Variants in RPS6KC1 observed in about 807,000 individuals in gnomAD.
The protein encoded by RPS6KC1 is ribosomal protein S6 kinase C1.
RPS6KC1 carries 54 observed loss-of-function variants against 103.8 expected under a neutral mutation model. The observed-to-expected ratio is 0.52, with a 90% CI of 0.42 to 0.65. RPS6KC1 has a LOEUF of 0.65. RPS6KC1 is among the 30% of genes least tolerant of loss of function. The pLI, the probability that RPS6KC1 is intolerant of heterozygous loss-of-function variation, is 0.00. For synonymous variants in RPS6KC1, 439 were observed against 438.7 expected, an observed-to-expected ratio of 1.00 and a Z score of -0.01; for missense variants, 1,151 against 1,253.8, an observed-to-expected ratio of 0.92 and a Z score of 1.24.
chr1:213,740,704 A>AGATATATGTACACATATATATC, the RPS6KC1 span, among the ~76,000 whole-genome samples: 293 of 82,572 alleles, frequency 3.5e-3, no homozygotes, highest in East Asian at 6.4e-3. Context: ...ACATATATAC[A>AGATATATGTACACATATATATC]TCTCAGATAT....
the RPS6KC1 span, among the ~76,000 whole-genome samples, chr1:213,600,255 A>T: frequency 1.3e-5 from 2 of 152,164 alleles, no homozygotes; most frequent in East Asian, 3.9e-4. Context: ...TCTTTATAGC[A>T]ATCTGAAAAC....
At chr1:213,140,009 T>C (rs2086825626) in intron 6 of RPS6KC1, among the ~76,000 whole-genome samples, 1 of 152,104 alleles carries the variant, frequency 6.6e-6, no homozygotes, top group Non-Finnish European at 1.5e-5. Flanking sequence ...GTGTCATATC[T>C]GATTCCTTTC....
At chr1:213,575,462 C>T in the RPS6KC1 span, among the ~76,000 whole-genome samples, 3 of 152,244 alleles carry the variant, frequency 2.0e-5, no homozygotes, top group East Asian at 3.9e-4. Context: ...GGGCGGTTAC[C>T]CCCGTGCTGC....
chr1:213,627,872 C>G, the RPS6KC1 span, among the ~76,000 whole-genome samples: 18,628 of 152,024 alleles, frequency 0.12, 1,603 homozygotes, highest in African/African-American at 0.25. Context: ...AGGGATATTG[C>G]TCTAAAATTC....
chr1:213,613,272 G>A, the RPS6KC1 span, among the ~76,000 whole-genome samples: 50 of 152,186 alleles, frequency 3.3e-4, no homozygotes, highest in East Asian at 2.9e-3. Context: ...CACTTGTGCC[G>A]GACTCTCCAC....
chr1:213,747,262 T>C, the RPS6KC1 span, among the ~76,000 whole-genome samples: 1 of 152,154 alleles, frequency 6.6e-6, no homozygotes, highest in Non-Finnish European at 1.5e-5. Flanking sequence ...GTTCAAGTGC[T>C]GCCAAGAGGT....
At chr1:213,714,773 G>C in the RPS6KC1 span, among the ~76,000 whole-genome samples, 1 of 152,222 alleles carries the variant, frequency 6.6e-6, no homozygotes, top group Non-Finnish European at 1.5e-5. Context: ...TGTATTTCCT[G>C]TATTCCTCCA....
the RPS6KC1 span, among the ~76,000 whole-genome samples, chr1:213,310,876 C>T: frequency 6.6e-6 from 1 of 152,192 alleles, no homozygotes; most frequent in Non-Finnish European, 1.5e-5. Flanking sequence ...TGCACTAGCA[C>T]ATTGTTGGGC....
At chr1:213,762,462 G>A in the RPS6KC1 span, among the ~76,000 whole-genome samples, 2 of 152,188 alleles carry the variant, frequency 1.3e-5, no homozygotes, top group African/African-American at 2.4e-5. Flanking sequence ...AAAAGTGAAC[G>A]ATGACTAGAG....
the RPS6KC1 span, among the ~76,000 whole-genome samples, chr1:213,450,033 A>G: frequency 6.6e-6 from 1 of 152,174 alleles, no homozygotes; most frequent in Non-Finnish European, 1.5e-5. Context: ...AGTTGCCTTC[A>G]TGTTTGCAAC....
the RPS6KC1 span, among the ~76,000 whole-genome samples, chr1:213,433,551 A>G: frequency 2.0e-5 from 3 of 152,232 alleles, no homozygotes; most frequent in Non-Finnish European, 1.5e-5. Context: ...GAAAACTGAA[A>G]AATGGTTTTC....
the RPS6KC1 span, among the ~76,000 whole-genome samples, chr1:213,624,534 G>T: frequency 6.6e-6 from 1 of 152,208 alleles, no homozygotes; most frequent in Non-Finnish European, 1.5e-5. Flanking sequence ...CAGTCATGGA[G>T]AGCTTGTTGG....
chr1:213,548,602 A>G, the RPS6KC1 span, among the ~76,000 whole-genome samples: 1 of 152,220 alleles, frequency 6.6e-6, no homozygotes, highest in African/African-American at 2.4e-5. Flanking sequence ...CAGAGGTTGC[A>G]GTCAGCCTAG....
chr1:213,354,498 G>T, the RPS6KC1 span, among the ~76,000 whole-genome samples: 7 of 152,154 alleles, frequency 4.6e-5, no homozygotes, highest in Non-Finnish European at 8.8e-5. Context: ...AACACTAAGG[G>T]CCATTTTCCA....
chr1:213,154,473 C>T (rs1205936887), intron 6 of RPS6KC1, among the ~76,000 whole-genome samples: 2 of 152,244 alleles, frequency 1.3e-5, no homozygotes, highest in Admixed American at 6.5e-5. Context: ...CCACAAGGTG[C>T]AGTTCTTCCC....
the RPS6KC1 span, among the ~76,000 whole-genome samples, chr1:213,685,070 T>C: frequency 6.6e-5 from 10 of 152,344 alleles, no homozygotes; most frequent in Middle Eastern, 3.4e-3. Context: ...TTCTTGCTTC[T>C]ACATCTTCTC....
At chr1:213,133,566 C>A (rs1438151716) in intron 6 of RPS6KC1, among the ~76,000 whole-genome samples, 1 of 152,098 alleles carries the variant, frequency 6.6e-6, no homozygotes, top group Non-Finnish European at 1.5e-5. Context: ...TTATTTAAAA[C>A]AGGAAGCTAC....
At chr1:213,188,185 C>T (rs565438718) in intron 8 of RPS6KC1, among the ~76,000 whole-genome samples, 38 of 152,240 alleles carry the variant, frequency 2.5e-4, no homozygotes, top group African/African-American at 8.7e-4. Context: ...TCCCTTTAGG[C>T]AGTCACGATG....
chr1:213,555,591 T>A, the RPS6KC1 span, among the ~76,000 whole-genome samples: 1 of 152,202 alleles, frequency 6.6e-6, no homozygotes, highest in Non-Finnish European at 1.5e-5. Flanking sequence ...TGCTATTTCT[T>A]ATTAATGTTT....
Sources: allele counts gnomAD v4.1 joint callset (sites outside exome capture counted in the v4.1 genomes callset), GRCh38; gene constraint gnomAD v4.1.1; transcripts MANE v1.5; gene names NCBI Gene and HGNC (gene_info 2026-07-23, HGNC 2026-07-21).